ATP8B4: variants seen among roughly 807,000 people sequenced by gnomAD.
The protein encoded by ATP8B4 is probable phospholipid-transporting ATPase IM.
Under a neutral mutation model 145.6 loss-of-function variants are expected in ATP8B4, and 133 were observed. The ratio of observed to expected loss-of-function variants is 0.91; its 90% CI spans 0.79 to 1.05. The LOEUF (loss-of-function observed/expected upper bound fraction) is 1.05. Among genes scored for constraint, ATP8B4 ranks in the 50% least tolerant of loss-of-function variants. ATP8B4 has a pLI of 0.00. For synonymous variants in ATP8B4, 507 were observed against 492.9 expected (o/e 1.03, Z -0.38); for missense variants, 1,458 against 1,425.2 (o/e 1.02, Z -0.37).
chr15:49,969,531 G>C (rs2044885972), intron 13 of ATP8B4, among the ~76,000 whole-genome samples: 1 of 152,202 alleles, frequency 6.6e-6, no homozygotes, highest in East Asian at 1.9e-4. Context: ...TAGAAGAAAT[G>C]GATACATTCC....
rs2054016248 is a variant in ATP8B4 at position 50,074,038 on chromosome 15, T to G, written c.87+89A>C. ...ATGGGCCAATGAAGAAAGTTTTTGG[T>G]GAAGTCATAAAGTTCTAGAAGACAT... On this transcript the variant is annotated intron_variant, in intron 3 of 27. Transcript: ENST00000284509. 5 of 1,160,132 alleles carry G rather than the reference T, an allele frequency of 4.3e-6. No individual in the cohort carries two copies. In the Admixed American group the frequency reaches 1.2e-4, roughly 28 times the overall value. The allele number at this position is 1,160,132 out of a possible 1,614,324, so 71.9% of individuals were successfully genotyped here. A position where few individuals can be genotyped will look rare whatever the true frequency, so the allele number is the denominator to read the frequency against.
chr15:49,931,253 G>T lies in ATP8B4; in HGVS notation c.1508C>A (p.Ala503Asp), dbSNP rs1211775348. Residue 503 changes from alanine (A) to aspartate (D), a missense_variant, in exon 16 of 28, where the codon GCT becomes GAT. Ala to Asp is a moderately radical substitution (Grantham distance 126). Coordinates refer to ENST00000284509, the MANE Select transcript of ATP8B4 (RefSeq NM_024837.4). ...SPDEGALVTA[A>D]RNFGFIFKSR... ...TTTAAAAATGAACCCAAAATTTCTA[G>T]CGGCAGTCACTAGAGCCCCTTCATC... 6.2e-7 allele frequency: 1 copy of T among 1,612,692 alleles called. No individual in the cohort carries two copies. Among genetic ancestry groups the T allele is most frequent in the Non-Finnish European group, 8.5e-7 (1 of 1,179,224 alleles).
At chr15:50,006,841 A>T (rs114965300) in intron 7 of ATP8B4, among the ~76,000 whole-genome samples, 3,767 of 152,304 alleles carry the variant, frequency 0.025, 166 homozygotes, top group African/African-American at 0.086. Context: ...AAAGTGAAAC[A>T]ACACAAGAGT....
intron 1 of ATP8B4, among the ~76,000 whole-genome samples, chr15:50,143,330 C>A (rs551379126): frequency 6.6e-6 from 1 of 152,214 alleles, no homozygotes; most frequent in African/African-American, 2.4e-5. Context: ...AGGGGCTTGA[C>A]TGGGGCTGGA....
At chr15:49,958,532 A>G (rs1382706292) in intron 14 of ATP8B4, among the ~76,000 whole-genome samples, 3 of 151,840 alleles carry the variant, frequency 2.0e-5, no homozygotes, top group African/African-American at 7.2e-5. Context: ...ACAGGAAAGG[A>G]CAAAAACAAC....
chr15:49,890,572 G>A (rs1405280799), intron 23 of ATP8B4, among the ~76,000 whole-genome samples: 1 of 152,112 alleles, frequency 6.6e-6, no homozygotes, highest in African/African-American at 2.4e-5. Context: ...ATCTTAACGG[G>A]GAAGTGAGAG....
chr15:50,164,904 C>T (rs573209520), intron 1 of ATP8B4, among the ~76,000 whole-genome samples: 2 of 152,286 alleles, frequency 1.3e-5, no homozygotes, highest in Admixed American at 6.5e-5. Flanking sequence ...ATGCAAAGTC[C>T]TACAATCACT....
At chr15:49,924,767 C>T (rs1223994586) in intron 16 of ATP8B4, among the ~76,000 whole-genome samples, 5 of 152,082 alleles carry the variant, frequency 3.3e-5, no homozygotes, top group East Asian at 1.9e-4. Context: ...TGCCTAATTG[C>T]CAGAACTCAT....
At chr15:49,938,890 A>T (rs2153474852) in intron 14 of ATP8B4, among the ~76,000 whole-genome samples, 1 of 152,308 alleles carries the variant, frequency 6.6e-6, no homozygotes, top group South Asian at 2.1e-4. Context: ...CAAAAAAATC[A>T]AAATTATATG....
At chr15:50,173,243 T>C (rs1163319457) in intron 1 of ATP8B4, among the ~76,000 whole-genome samples, 4 of 152,184 alleles carry the variant, frequency 2.6e-5, no homozygotes, top group Non-Finnish European at 5.9e-5. Context: ...GGCGGTTTTG[T>C]CGAACAGAAA....
chr15:50,043,255 G>T (rs2051446315), intron 5 of ATP8B4, among the ~76,000 whole-genome samples: 1 of 152,170 alleles, frequency 6.6e-6, no homozygotes, highest in Admixed American at 6.5e-5. Flanking sequence ...ACTATGTTTT[G>T]TCTTTGAGTG....
At chr15:50,103,005 T>A (rs1055343647) in intron 2 of ATP8B4, among the ~76,000 whole-genome samples, 2 of 152,180 alleles carry the variant, frequency 1.3e-5, no homozygotes, top group Admixed American at 1.3e-4. Context: ...CATGATCATC[T>A]CAATAGATGC....
chr15:50,159,489 C>G (rs2044483580), intron 1 of ATP8B4, among the ~76,000 whole-genome samples: 1 of 152,144 alleles, frequency 6.6e-6, no homozygotes, highest in Non-Finnish European at 1.5e-5. Flanking sequence ...ATTTCTTTCT[C>G]TTGTCTGGTT....
intron 6 of ATP8B4, among the ~76,000 whole-genome samples, chr15:50,019,717 A>G (rs1433972354): frequency 2.0e-5 from 3 of 152,132 alleles, no homozygotes; most frequent in Non-Finnish European, 4.4e-5. Context: ...TATGTTACTA[A>G]ATCCAATGAT....
At chr15:49,976,439 C>T (rs939008510) in intron 12 of ATP8B4, among the ~76,000 whole-genome samples, 4 of 152,060 alleles carry the variant, frequency 2.6e-5, no homozygotes, top group Non-Finnish European at 5.9e-5. Flanking sequence ...CCAACAGGGA[C>T]ATTAAGACTT....
chr15:49,910,413 A>C (rs1229879426), intron 20 of ATP8B4, among the ~76,000 whole-genome samples: 1 of 152,236 alleles, frequency 6.6e-6, no homozygotes, highest in East Asian at 1.9e-4. Flanking sequence ...GAACAAAAGC[A>C]TTCAAAAGCC....
intron 19 of ATP8B4, among the ~76,000 whole-genome samples, chr15:49,917,557 T>C (rs1009602226): frequency 1.1e-4 from 16 of 152,188 alleles, no homozygotes; most frequent in African/African-American, 3.6e-4. Context: ...ATTTTCCCAT[T>C]AAATATATGG....
chr15:49,912,035 T>G (rs891099647), intron 20 of ATP8B4, among the ~76,000 whole-genome samples: 4 of 152,052 alleles, frequency 2.6e-5, no homozygotes. Flanking sequence ...GCAAAAGCAC[T>G]GCTAAGAGAG....
chr15:50,018,230 T>G (rs935061326), intron 6 of ATP8B4, among the ~76,000 whole-genome samples: 2 of 152,270 alleles, frequency 1.3e-5, no homozygotes, highest in African/African-American at 4.8e-5. Flanking sequence ...TCAAGTGATC[T>G]GCCCGCCTCA....
Sources: gnomAD v4.1 joint callset for allele counts (sites outside exome capture counted in the v4.1 genomes callset) on GRCh38, gnomAD v4.1.1 for gene constraint, MANE v1.5 for transcripts, NCBI Gene and HGNC (gene_info 2026-07-23, HGNC 2026-07-21) for gene names.